DSCAM: variants seen among roughly 807,000 people sequenced by gnomAD.
DSCAM encodes DS cell adhesion molecule.
In DSCAM, 47 loss-of-function variants were observed where a neutral mutation model predicts 217.7. The observed-to-expected ratio is 0.22, with a 90% CI of 0.17 to 0.28. The LOEUF (loss-of-function observed/expected upper bound fraction) is 0.28. Ranked by LOEUF, DSCAM falls within the 10% of genes least tolerant of loss-of-function variation. The pLI, the probability that DSCAM is intolerant of heterozygous loss-of-function variation, is 1.00. For missense variants in DSCAM, 2,080 were observed against 2,618.3 expected, an observed-to-expected ratio of 0.79 and a Z score of 4.49; for synonymous variants, 1,056 against 1,015.3, an observed-to-expected ratio of 1.04 and a Z score of -0.76.
At chr21:40,540,845 A>G (rs928026354) in intron 3 of DSCAM, among the ~76,000 whole-genome samples, 1 of 152,090 alleles carries the variant, frequency 6.6e-6, no homozygotes, top group Admixed American at 6.5e-5. Context: ...GAGAGAAAAT[A>G]TTTTATTAAA....
intron 32 of DSCAM, among the ~76,000 whole-genome samples, chr21:40,039,069 A>C (rs1296076418): frequency 6.6e-6 from 1 of 151,750 alleles, no homozygotes. Context: ...CTAATGCTAG[A>C]TGACCAGTTA....
At chr21:40,312,413 T>C (rs553421839) in intron 8 of DSCAM, 54 bp from the exon 9 acceptor site, 245 of 1,585,124 alleles carry the variant, frequency 1.5e-4, no homozygotes, top group East Asian at 2.3e-4. Context: ...CATTTGCTTT[T>C]CCTTTAACCC....
At chr21:40,348,088 T>C (rs1445795205) in intron 5 of DSCAM, 143 bp from the exon 6 acceptor site, 2 of 632,942 alleles carry the variant, frequency 3.2e-6, no homozygotes, top group Non-Finnish European at 5.5e-6. Flanking sequence ...ATTGCAATCA[T>C]ACTCCACACA....
intron 3 of DSCAM, among the ~76,000 whole-genome samples, chr21:40,389,923 G>T (rs747502159): frequency 6.6e-6 from 1 of 152,216 alleles, no homozygotes; most frequent in Non-Finnish European, 1.5e-5. Flanking sequence ...CTAAGAGGAC[G>T]TATTGTGTGG....
chr21:40,632,552 A>T (rs545388004), intron 3 of DSCAM, among the ~76,000 whole-genome samples: 1 of 152,364 alleles, frequency 6.6e-6, no homozygotes, highest in Non-Finnish European at 1.5e-5. Flanking sequence ...TATGTGCTCC[A>T]TAGTAAATGC....
At position 40,176,279 on chromosome 21, in the gene DSCAM, T is replaced by C. The variant is rs1000614813; in HGVS notation, c.2947+2648A>G. Among the ~76,000 whole-genome samples the C allele has an allele frequency of 2.0e-5, 3 of 152,066 alleles. No individual in the cohort carries two copies. In the South Asian group the frequency reaches 6.2e-4, roughly 32 times the overall value. On this transcript the variant is annotated intron_variant, in intron 15 of 32. Coordinates refer to ENST00000400454, the MANE Select transcript of DSCAM (RefSeq NM_001389.5). The stretch of plus-strand genomic sequence containing the variant: ...TGCAAAGGCAGGTGAGTGCTGGGCA[T>C]TGGGCTCTGGGGAGTCACTAAGTGT...
intron 1 of DSCAM, among the ~76,000 whole-genome samples, chr21:40,821,498 G>T (rs559015477): frequency 3.8e-4 from 58 of 151,914 alleles, no homozygotes; most frequent in Non-Finnish European, 4.3e-4. Context: ...GGATTCTGTG[G>T]CAACAGCTTC....
At chr21:40,605,744 T>C (rs1316002415) in intron 3 of DSCAM, among the ~76,000 whole-genome samples, 2 of 149,266 alleles carry the variant, frequency 1.3e-5, no homozygotes, top group Non-Finnish European at 1.5e-5. Flanking sequence ...GAATGGGTTT[T>C]AAACAAAAAA....
At chr21:40,527,047 C>A (rs2076406144) in intron 3 of DSCAM, among the ~76,000 whole-genome samples, 2 of 152,136 alleles carry the variant, frequency 1.3e-5, no homozygotes, top group Admixed American at 6.5e-5. Flanking sequence ...TCTTTCCAAG[C>A]AGGTGGCTCT....
chr21:40,066,804 GC>G (rs34375258), intron 27 of DSCAM, among the ~76,000 whole-genome samples: 1 of 152,136 alleles, frequency 6.6e-6, no homozygotes, highest in Non-Finnish European at 1.5e-5. Flanking sequence ...TTATTAATCA[GC>G]CCTGTCAAAA....
At chr21:40,828,425 T>C (rs1351807876) in intron 1 of DSCAM, among the ~76,000 whole-genome samples, 2 of 152,106 alleles carry the variant, frequency 1.3e-5, no homozygotes, top group Non-Finnish European at 2.9e-5. Context: ...CCATATTGTG[T>C]TGCTGTGAAC....
intron 3 of DSCAM, among the ~76,000 whole-genome samples, chr21:40,474,859 C>T (rs190656102): frequency 2.2e-4 from 34 of 152,258 alleles, no homozygotes; most frequent in Admixed American, 1.2e-3. Flanking sequence ...GTTCCCACGA[C>T]GAGAACTGCG....
intron 1 of DSCAM, among the ~76,000 whole-genome samples, chr21:40,786,111 C>T (rs1361614972): frequency 1.3e-5 from 2 of 152,106 alleles, no homozygotes; most frequent in Admixed American, 6.5e-5. Flanking sequence ...TGGTGGGCAC[C>T]TGTAATCCCA....
At chr21:40,138,910 G>T in intron 18 of DSCAM, among the ~76,000 whole-genome samples, 1 of 142,220 alleles carries the variant, frequency 7.0e-6, no homozygotes. Flanking sequence ...TGGTGTGTGT[G>T]GTGTGTATGT....
chr21:40,049,129 A>T (rs2088888660), intron 30 of DSCAM, among the ~76,000 whole-genome samples: 2 of 152,222 alleles, frequency 1.3e-5, no homozygotes, highest in South Asian at 4.1e-4. Flanking sequence ...GAAATTCAGC[A>T]CAAAGGACAG....
intron 1 of DSCAM, among the ~76,000 whole-genome samples, chr21:40,789,258 A>C (rs897329194): frequency 8.0e-6 from 1 of 124,768 alleles, no homozygotes; most frequent in African/African-American, 2.7e-5. Flanking sequence ...GGAAGAAGAC[A>C]ATCAAGATTA....
intron 11 of DSCAM, among the ~76,000 whole-genome samples, chr21:40,256,353 TTA>T (rs1282389917): frequency 6.6e-6 from 1 of 151,606 alleles, no homozygotes; most frequent in African/African-American, 2.4e-5. Context: ...AAAATCTGCA[TTA>T]GTCAGGGCTT....
At chr21:40,583,607 TTTA>T (rs1223534955) in intron 3 of DSCAM, among the ~76,000 whole-genome samples, 1 of 152,086 alleles carries the variant, frequency 6.6e-6, no homozygotes, top group African/African-American at 2.4e-5. Flanking sequence ...TGTCCTAGTT[TTTA>T]AAAAATGCCA....
intron 1 of DSCAM, among the ~76,000 whole-genome samples, chr21:40,817,938 T>C (rs1023080722): frequency 4.1e-5 from 6 of 147,892 alleles, no homozygotes; most frequent in African/African-American, 1.0e-4. Context: ...CTACTAAAAA[T>C]ACAAAAAATT....
Sources: allele counts gnomAD v4.1 joint callset (sites outside exome capture counted in the v4.1 genomes callset), GRCh38; gene constraint gnomAD v4.1.1; transcripts MANE v1.5; gene names NCBI Gene and HGNC (gene_info 2026-07-23, HGNC 2026-07-21).